Variants in CYP19A1 observed in about 807,000 individuals in gnomAD.
CYP19A1 encodes the protein cytochrome P450 family 19 subfamily A member 1.
CYP19A1 carries 32 observed loss-of-function variants against 44.4 expected under a neutral mutation model. The ratio of observed to expected loss-of-function variants is 0.72; its 90% CI spans 0.54 to 0.97. The LOEUF (loss-of-function observed/expected upper bound fraction) is 0.97. CYP19A1 is among the 50% of genes least tolerant of loss of function. CYP19A1 has a pLI of 0.00. For synonymous variants in CYP19A1, 212 were observed against 215.6 expected (o/e 0.98, Z 0.14); for missense variants, 598 against 637.8 (o/e 0.94, Z 0.67).
At chr15:51,261,979 T>A (rs1938194671) in intron 1 of CYP19A1, among the ~76,000 whole-genome samples, 1 of 152,178 alleles carries the variant, frequency 6.6e-6, no homozygotes, top group African/African-American at 2.4e-5. Context: ...AATCTGGCCA[T>A]AAACTGGCCC....
chr15:51,213,037 A>T (rs896431928), intron 8 of CYP19A1, among the ~76,000 whole-genome samples: 2 of 152,186 alleles, frequency 1.3e-5, no homozygotes, highest in Non-Finnish European at 2.9e-5. Flanking sequence ...CTTACGAGCA[A>T]ACTGGCACCA....
At chr15:51,244,495 TA>T (rs1193028258) in intron 1 of CYP19A1, among the ~76,000 whole-genome samples, 1 of 152,074 alleles carries the variant, frequency 6.6e-6, no homozygotes, top group Admixed American at 6.5e-5. Flanking sequence ...AAGTCGAAAC[TA>T]AAAAGTCAGC....
chr15:51,212,114 A>G, intron 9 of CYP19A1: 1 of 613,190 alleles, frequency 1.6e-6, no homozygotes, highest in Non-Finnish European at 2.9e-6. Flanking sequence ...TACTTCTTAG[A>G]GCTGGAGACC....
chr15:51,323,910 G>C (rs1484969845), intron 1 of CYP19A1: 2 of 152,162 alleles, frequency 1.3e-5, no homozygotes, highest in Non-Finnish European at 2.9e-5. Flanking sequence ...TTCACCACAG[G>C]GTTTCTGACA....
rs573221267 is a variant in CYP19A1, at chr15:51,247,072, C to G, written c.-38-4122G>C. Among the ~76,000 whole-genome samples, 6 of 152,192 alleles carry G rather than the reference C, an allele frequency of 3.9e-5. No individual in the cohort carries two copies. The East Asian group carries it at 5.8e-4, about 15-fold the overall frequency. On this transcript the variant is annotated intron_variant, in intron 1 of 9. Transcript: ENST00000396402. ...TTGATCTCATTCTGTGGCGTTGGAC[C>G]CATTTGGCCATTCCTCCTTCTTGTA...
chr15:51,230,680 G>A (rs570731496), intron 3 of CYP19A1, among the ~76,000 whole-genome samples: 87 of 147,822 alleles, frequency 5.9e-4, no homozygotes, highest in African/African-American at 2.0e-3. Flanking sequence ...GTGCAGTGGC[G>A]CAATCTCAGC....
chr15:51,215,727 A>G lies in CYP19A1; in HGVS notation c.834T>C (p.Phe278=). ...TEEKLEECMD[F]ATELILAEKR... is the part of the protein sequence containing the mutation. Reference sequence around the variant, plus strand: ...CCTCTGCTAAAATCAACTCAGTGGCAAAGTCCATACATTCTTCCAGTTTCT... The same window carrying G: ...CCTCTGCTAAAATCAACTCAGTGGCGAAGTCCATACATTCTTCCAGTTTCT... The change falls in exon 7 of 10, where the codon TTT becomes TTC. Residue 278 remains phenylalanine (F), a synonymous_variant. Transcript: ENST00000396402. 6.2e-7 allele frequency: 1 copy of G among 1,614,078 alleles called. No homozygotes were observed. The highest frequency in any genetic ancestry group is 8.5e-7 in the Non-Finnish European group (1 of 1,179,984).
chr15:51,289,944 C>T (rs1382662931), intron 1 of CYP19A1, among the ~76,000 whole-genome samples: 1 of 152,134 alleles, frequency 6.6e-6, no homozygotes, highest in Non-Finnish European at 1.5e-5. Context: ...AACTTCCCAC[C>T]ATGCCTCTGT....
At chr15:51,319,672 T>C (rs980093036) in intron 1 of CYP19A1, among the ~76,000 whole-genome samples, 3 of 152,230 alleles carry the variant, frequency 2.0e-5, no homozygotes, top group Non-Finnish European at 4.4e-5. Flanking sequence ...ATAGCAAAAC[T>C]TTGGGCTTAT....
At chr15:51,216,403 C>T (rs759884861) in intron 6 of CYP19A1, among the ~76,000 whole-genome samples, 7 of 152,160 alleles carry the variant, frequency 4.6e-5, no homozygotes, top group Non-Finnish European at 8.8e-5. Context: ...AGGCACCTGC[C>T]ACCACGCCCA....
intron 1 of CYP19A1, among the ~76,000 whole-genome samples, chr15:51,313,445 A>G (rs2036355732): frequency 6.6e-6 from 1 of 152,136 alleles, no homozygotes; most frequent in Admixed American, 6.5e-5. Context: ...GGGCTGAGAA[A>G]ATAGAGAGGT....
At chr15:51,327,284 A>G (rs1016180639) in intron 1 of CYP19A1, among the ~76,000 whole-genome samples, 19 of 152,146 alleles carry the variant, frequency 1.2e-4, no homozygotes, top group Non-Finnish European at 2.2e-4. Context: ...ATCAAGCGCC[A>G]GGGCTAATTA....
At chr15:51,264,746 G>A (rs930499166) in intron 1 of CYP19A1, among the ~76,000 whole-genome samples, 9 of 152,152 alleles carry the variant, frequency 5.9e-5, no homozygotes, top group African/African-American at 2.2e-4. Context: ...AGTAGTAGCA[G>A]TCCCTTGGTT....
intron 1 of CYP19A1, among the ~76,000 whole-genome samples, chr15:51,322,660 T>A (rs1395476319): frequency 6.6e-6 from 1 of 152,192 alleles, no homozygotes; most frequent in Non-Finnish European, 1.5e-5. Context: ...ATGTTTTCCA[T>A]CCTTGCATCA....
intron 1 of CYP19A1, among the ~76,000 whole-genome samples, chr15:51,282,484 T>G (rs2035553751): frequency 6.6e-6 from 1 of 152,256 alleles, no homozygotes; most frequent in Admixed American, 6.5e-5. Flanking sequence ...TGCTTGCCCT[T>G]TTGACCCACA....
intron 1 of CYP19A1, chr15:51,279,945 A>G (rs1238224635): frequency 6.6e-6 from 1 of 152,162 alleles, no homozygotes; most frequent in Non-Finnish European, 1.5e-5. Flanking sequence ...AATGCGATTA[A>G]ATGTTTTTGT....
chr15:51,292,678 C>A (rs960554495), intron 1 of CYP19A1, among the ~76,000 whole-genome samples: 2 of 152,230 alleles, frequency 1.3e-5, no homozygotes, highest in African/African-American at 4.8e-5. Context: ...CCTGCCCCTG[C>A]TTTCCTGCCA....
intron 1 of CYP19A1, among the ~76,000 whole-genome samples, chr15:51,271,298 C>G (rs1260585770): frequency 1.3e-5 from 2 of 152,132 alleles, no homozygotes; most frequent in Non-Finnish European, 2.9e-5. Context: ...TCTAACCAGG[C>G]CTGCGAGTCA....
At chr15:51,297,064 C>T (rs1442285096) in intron 1 of CYP19A1, among the ~76,000 whole-genome samples, 3 of 152,236 alleles carry the variant, frequency 2.0e-5, no homozygotes, top group East Asian at 1.9e-4. Context: ...GGCCAAGTGA[C>T]GACTTTTGTG....
Sources: gnomAD v4.1 joint callset for allele counts (sites outside exome capture counted in the v4.1 genomes callset) on GRCh38, gnomAD v4.1.1 for gene constraint, MANE v1.5 for transcripts, NCBI Gene and HGNC (gene_info 2026-07-23, HGNC 2026-07-21) for gene names.